The following NANP variants were observed in gnomAD, a reference collection of about 807,000 sequenced individuals.
NANP encodes N-acylneuraminate-9-phosphatase.
In NANP, 15 loss-of-function variants were observed where a neutral mutation model predicts 16.9. The ratio of observed to expected loss-of-function variants is 0.89; its 90% CI spans 0.59 to 1.37. The LOEUF is 1.37. Among genes scored for constraint, NANP ranks in the 40% most tolerant of loss-of-function variants. The pLI is 0.00. For missense variants in NANP, 290 were observed against 303.5 expected (o/e 0.96, Z 0.33); for synonymous variants, 135 against 112.6 (o/e 1.20, Z -1.26).
Position 25,614,380 on chromosome 20 carries a change from A to G in NANP, c.*1545T>C, listed in dbSNP as rs1223503911. 6.6e-6 allele frequency: 1 copy of G among 152,128 alleles called. No individual in the cohort carries two copies. The highest frequency in any genetic ancestry group is 1.9e-4 in the East Asian group (1 of 5,182). The allele number at this position is 152,128 out of a possible 1,614,324, so 9.4% of individuals were successfully genotyped here. ...CCAACCTAAATCATATTTATTAACCACTTTAATAAGCCCCTTTATACTTTC... is the reference window on the plus strand; with the variant it reads ...CCAACCTAAATCATATTTATTAACCGCTTTAATAAGCCCCTTTATACTTTC... On this transcript the variant is annotated 3_prime_UTR_variant, in exon 2 of 2. Coordinates refer to ENST00000304788, the MANE Select transcript of NANP (RefSeq NM_152667.3).
Position 25,623,955 on chromosome 20 carries a change from G to GGCCGCTGGCGCGAACCGTAGCCTTGCC in NANP, c.-34_-8dup, listed in dbSNP as rs775140714. On this transcript the variant is annotated 5_prime_UTR_variant, in exon 1 of 2. Coordinates refer to ENST00000304788, the MANE Select transcript of NANP (RefSeq NM_152667.3). Reference sequence around the variant, plus strand: ...GCACGCGGCTCAGCCCCATAGCGCCGGCCGCTGGCGCGAACCGTAGCCTTG... The same window carrying GGCCGCTGGCGCGAACCGTAGCCTTGCC: ...GCACGCGGCTCAGCCCCATAGCGCCGGCCGCTGGCGCGAACCGTAGCCTTGCCGCCGCTGGCGCGAACCGTAGCCTTG... The GGCCGCTGGCGCGAACCGTAGCCTTGCC allele has an allele frequency of 5.6e-6, 9 of 1,611,500 alleles. No homozygotes were observed. In the African/African-American group the frequency reaches 1.2e-4, roughly 22 times the overall value.
rs540518573 is a variant in NANP, at chr20:25,620,772, T to C, written c.90+3087A>G. Reference sequence around the variant, plus strand: ...TTATTTATGAGGAGGATCTGAACCATGGCCCATCCCATCCTGCGGAACTCA... The same window carrying C: ...TTATTTATGAGGAGGATCTGAACCACGGCCCATCCCATCCTGCGGAACTCA... On this transcript the variant is annotated intron_variant, in intron 1 of 1. Transcript: ENST00000304788. Among the ~76,000 whole-genome samples, 21 of 151,894 alleles carry C rather than the reference T, an allele frequency of 1.4e-4. No homozygotes were observed. In the South Asian group the frequency reaches 3.5e-3, roughly 26 times the overall value.
rs1398578550 is a variant in NANP at position 25,623,966 on chromosome 20, C to G, written c.-18G>C. ...AGCCCCATAGCGCCGGCCGCTGGCG[C>G]GAACCGTAGCCTTGCCACCGCCGCC... On this transcript the variant is annotated 5_prime_UTR_variant, in exon 1 of 2. Transcript: ENST00000304788. 1 of 1,610,086 alleles carries G rather than the reference C, an allele frequency of 6.2e-7. No individual in the cohort carries two copies. The highest frequency in any genetic ancestry group is 1.1e-5 in the South Asian group (1 of 90,766).
At chr20:25,619,121 CTT>C (rs34028977) in intron 1 of NANP, among the ~76,000 whole-genome samples, 11 of 133,034 alleles carry the variant, frequency 8.3e-5, no homozygotes, top group Non-Finnish European at 1.6e-4. Context: ...GGAAAAGGGT[CTT>C]TTTTTTTTTT....
chr20:25,619,456 T>C, intron 1 of NANP, among the ~76,000 whole-genome samples: 1 of 150,920 alleles, frequency 6.6e-6, no homozygotes, highest in Non-Finnish European at 1.5e-5. Flanking sequence ...TTTGTGCTAA[T>C]CAGAAAATGT....
At chr20:25,617,396 G>A (rs1393510207) in intron 1 of NANP, among the ~76,000 whole-genome samples, 3 of 152,140 alleles carry the variant, frequency 2.0e-5, no homozygotes, top group Non-Finnish European at 2.9e-5. Flanking sequence ...ATTTTTAGCA[G>A]AGACAGGGTT....
At chr20:25,623,387 C>T (rs900470702) in intron 1 of NANP, among the ~76,000 whole-genome samples, 1 of 152,250 alleles carries the variant, frequency 6.6e-6, no homozygotes, top group African/African-American at 2.4e-5. Flanking sequence ...GTACTGACAG[C>T]CGTGTCCCTT....
rs1033159352 is a variant in NANP, at chr20:25,613,914, C to G, written c.*2011G>C. 8.0e-5 allele frequency: 32 copies of G among 398,302 alleles called. No homozygotes were observed. The highest frequency in any genetic ancestry group is 6.2e-4 in the Middle Eastern group (1 of 1,608). 24.7% of individuals were successfully genotyped at this position (398,302 alleles called of 1,614,324 possible). On this transcript the variant is annotated 3_prime_UTR_variant, in exon 2 of 2. Coordinates refer to ENST00000304788, the MANE Select transcript of NANP (RefSeq NM_152667.3). ...GTGGGAGAGTTAAAAGGACAAGCCC[C>G]CTGCAGCACACGCCAACCAATCTAT...
intron 1 of NANP, among the ~76,000 whole-genome samples, chr20:25,620,823 C>CCT (rs1227644870): frequency 1.4e-5 from 2 of 147,298 alleles, no homozygotes; most frequent in African/African-American, 2.5e-5. Context: ...AGAGGCCCCC[C>CCT]TTTTTTTTTT....
chr20:25,615,968 G>A lies in NANP; in HGVS notation c.704C>T (p.Ala235Val). Reference protein sequence around the residue: ...YMVSSVLELPALLQSIDCKVS... With the variant: ...YMVSSVLELPVLLQSIDCKVS... ...TTTGCAGTCTATACTTTGTAAGAGAGCAGGTAACTCTAGCACAGAAGAAAC... is the reference window on the plus strand; with the variant it reads ...TTTGCAGTCTATACTTTGTAAGAGAACAGGTAACTCTAGCACAGAAGAAAC... The change falls in exon 2 of 2, where the codon GCT becomes GTT. Residue 235 changes from alanine (A) to valine (V), a missense_variant. Physicochemically the swap from Ala to Val is moderately conservative, Grantham distance 64. Transcript: ENST00000304788. 6.2e-7 allele frequency: 1 copy of A among 1,614,026 alleles called. No individual in the cohort carries two copies. Among genetic ancestry groups the A allele is most frequent in the South Asian group, 1.1e-5 (1 of 91,062 alleles).
chr20:25,617,717 A>G (rs1335367701), intron 1 of NANP, among the ~76,000 whole-genome samples: 2 of 152,048 alleles, frequency 1.3e-5, no homozygotes, highest in Admixed American at 1.3e-4. Context: ...GGGTTTTACC[A>G]TGTTGGCCAG....
At chr20:25,619,275 C>G (rs1300558300) in intron 1 of NANP, among the ~76,000 whole-genome samples, 1 of 151,978 alleles carries the variant, frequency 6.6e-6, no homozygotes, top group East Asian at 1.9e-4. Context: ...AACTGCACAC[C>G]ACCATACCCA....
Position 25,613,835 on chromosome 20 carries a change from G to C in NANP, c.*2090C>G, listed in dbSNP as rs905171258. 3 of 398,446 alleles carry C rather than the reference G, an allele frequency of 7.5e-6. No individual in the cohort carries two copies. Among genetic ancestry groups the C allele is most frequent in the African/African-American group, 4.1e-5 (2 of 48,608 alleles). The allele number at this position is 398,446 out of a possible 1,614,324, so 24.7% of individuals were successfully genotyped here. A position where few individuals can be genotyped will look rare whatever the true frequency, so the allele number is the denominator to read the frequency against. On this transcript the variant is annotated 3_prime_UTR_variant, in exon 2 of 2. Transcript: ENST00000304788. The stretch of plus-strand genomic sequence containing the variant: ...TGAGATTTGCTACCATGATACAGGA[G>C]TGATGAACCTTCACTCTCAGCATAA...
In NANP at chr20:25,623,922, A is replaced by C. The variant is rs2065379924; in HGVS notation, c.27T>G (p.Val9=). MGLSRVRA[V]FFDLDNTLID... is the part of the protein sequence containing the mutation. ...TGAGAGTGTTGTCCAAGTCAAAGAA[A>C]ACCGCCCGCACGCGGCTCAGCCCCA... is the stretch of plus-strand genomic sequence containing the variant. The change falls in exon 1 of 2, where the codon GTT becomes GTG. Residue 9 remains valine (V), a synonymous_variant. Coordinates refer to ENST00000304788, the MANE Select transcript of NANP (RefSeq NM_152667.3). The C allele has an allele frequency of 6.2e-7, 1 of 1,613,290 alleles. No individual in the cohort carries two copies. The highest frequency in any genetic ancestry group is 1.3e-5 in the African/African-American group (1 of 74,986).
Position 25,616,015 on chromosome 20 carries a change from G to A in NANP, c.657C>T (p.Ser219=), listed in dbSNP as rs762920025. ...INKNGIVPLK[S]SPVPHYMVSS... ...AAACCATGTAATGCGGAACTGGGGA[G>A]GACTTCAGTGGCACTATTCCATTTT... Residue 219 remains serine, a synonymous_variant, in exon 2 of 2, where the codon TCC becomes TCT. Coordinates refer to ENST00000304788, the MANE Select transcript of NANP (RefSeq NM_152667.3). 1.9e-6 allele frequency: 3 copies of A among 1,614,182 alleles called. No homozygotes were observed. Among genetic ancestry groups the A allele is most frequent in the Admixed American group, 1.7e-5 (1 of 60,020 alleles).
At chr20:25,618,552 T>G (rs1277491900) in intron 1 of NANP, among the ~76,000 whole-genome samples, 2 of 152,020 alleles carry the variant, frequency 1.3e-5, no homozygotes, top group Non-Finnish European at 2.9e-5. Flanking sequence ...CACACTATAT[T>G]CACTCGCCAG....
At chr20:25,617,796 C>G (rs1422105640) in intron 1 of NANP, among the ~76,000 whole-genome samples, 3 of 152,140 alleles carry the variant, frequency 2.0e-5, no homozygotes, top group Non-Finnish European at 4.4e-5. Context: ...GGATTATAGG[C>G]ATGAGCCACT....
chr20:25,620,808 G>A (rs2065361612), intron 1 of NANP, among the ~76,000 whole-genome samples: 1 of 151,984 alleles, frequency 6.6e-6, no homozygotes, highest in Non-Finnish European at 1.5e-5. Flanking sequence ...GGTTGCAGAG[G>A]GGATAGAGGC....
chr20:25,623,048 AAGAG>A (rs1294517614), intron 1 of NANP, among the ~76,000 whole-genome samples: 1 of 152,278 alleles, frequency 6.6e-6, no homozygotes, highest in Non-Finnish European at 1.5e-5. Context: ...ATGAAGCATG[AAGAG>A]GACGGGGCGC....
Sources: allele counts gnomAD v4.1 joint callset (sites outside exome capture counted in the v4.1 genomes callset), GRCh38; gene constraint gnomAD v4.1.1; transcripts MANE v1.5; gene names NCBI Gene and HGNC (gene_info 2026-07-23, HGNC 2026-07-21).